Variants in ADARB2 observed in about 807,000 individuals in gnomAD.
ADARB2 encodes adenosine deaminase RNA specific B2 (inactive).
ADARB2 carries 25 observed loss-of-function variants against 62.2 expected under a neutral mutation model. The observed-to-expected ratio is 0.40, with a 90% confidence interval of 0.29 to 0.56. The LOEUF is 0.56. Ranked by LOEUF, ADARB2 falls within the 20% of genes least tolerant of loss-of-function variation. The pLI is 0.43. For synonymous variants in ADARB2, 572 were observed against 500.8 expected, an observed-to-expected ratio of 1.14 and a Z score of -1.90; for missense variants, 1,071 against 1,077.4, an observed-to-expected ratio of 0.99 and a Z score of 0.08.
intron 7 of ADARB2, among the ~76,000 whole-genome samples, chr10:1,214,527 C>T (rs180835688): frequency 2.1e-5 from 3 of 141,098 alleles, no homozygotes; most frequent in African/African-American, 8.0e-5. Context: ...CCCAGCGTCG[C>T]GTGGGTTTGC....
At chr10:1,385,031 G>C (rs1400361983) in intron 1 of ADARB2, among the ~76,000 whole-genome samples, 1 of 152,226 alleles carries the variant, frequency 6.6e-6, no homozygotes, top group African/African-American at 2.4e-5. Flanking sequence ...TCTAGTCCTA[G>C]ATTAAGAACT....
intron 1 of ADARB2, among the ~76,000 whole-genome samples, chr10:1,575,704 G>C (rs527713239): frequency 3.9e-5 from 6 of 152,180 alleles, no homozygotes; most frequent in Non-Finnish European, 7.4e-5. Flanking sequence ...GTTCAGCTGG[G>C]GGACTCTGTG....
At chr10:1,318,769 A>T (rs1831766099) in intron 3 of ADARB2, among the ~76,000 whole-genome samples, 1 of 152,286 alleles carries the variant, frequency 6.6e-6, no homozygotes, top group East Asian at 1.9e-4. Flanking sequence ...ATCTCTCGTT[A>T]CTGTGTTGGC....
At chr10:1,374,606 TGCCCTCCCTCTGCCC>T (rs1832405529) in intron 2 of ADARB2, among the ~76,000 whole-genome samples, 1 of 152,172 alleles carries the variant, frequency 6.6e-6, no homozygotes, top group Non-Finnish European at 1.5e-5. Flanking sequence ...CGGGTGGGTC[TGCCCTCCCTCTGCCC>T]GCCGTATGCA....
At chr10:1,576,213 G>T (rs1410995581) in intron 1 of ADARB2, among the ~76,000 whole-genome samples, 1 of 150,192 alleles carries the variant, frequency 6.7e-6, no homozygotes, top group Non-Finnish European at 1.5e-5. Flanking sequence ...GGAGCTCAGG[G>T]TCACAGGACA....
At chr10:1,361,847 A>G (rs745643397) in intron 3 of ADARB2, among the ~76,000 whole-genome samples, 4 of 152,338 alleles carry the variant, frequency 2.6e-5, no homozygotes, top group Non-Finnish European at 5.9e-5. Flanking sequence ...ATTATTGCAT[A>G]CTTACGACGA....
chr10:1,600,912 C>T (rs1833404296), intron 1 of ADARB2, among the ~76,000 whole-genome samples: 1 of 152,122 alleles, frequency 6.6e-6, no homozygotes, highest in Non-Finnish European at 1.5e-5. Flanking sequence ...GAGGAAGCAG[C>T]CAGCACGCAG....
At chr10:1,251,884 A>G (rs879496722) in intron 4 of ADARB2, among the ~76,000 whole-genome samples, 2 of 152,138 alleles carry the variant, frequency 1.3e-5, no homozygotes, top group African/African-American at 2.4e-5. Context: ...TGTAGCAACA[A>G]GGCACCATCC....
intron 1 of ADARB2, among the ~76,000 whole-genome samples, chr10:1,446,107 C>T (rs953515857): frequency 6.6e-6 from 1 of 152,160 alleles, no homozygotes. Flanking sequence ...TAATGCTTTG[C>T]GTTGTCATGG....
At chr10:1,565,367 C>T (rs947339640) in intron 1 of ADARB2, among the ~76,000 whole-genome samples, 1 of 152,174 alleles carries the variant, frequency 6.6e-6, no homozygotes, top group East Asian at 1.9e-4. Context: ...ACTATAAATA[C>T]ATGGGTATGC....
At chr10:1,546,675 C>T (rs7080610) in intron 1 of ADARB2, among the ~76,000 whole-genome samples, 61,117 of 152,150 alleles carry the variant, frequency 0.4, 12,569 homozygotes, top group African/African-American at 0.45. Context: ...GCAGAAAGGC[C>T]ACGTCCCGGC....
intron 1 of ADARB2, among the ~76,000 whole-genome samples, chr10:1,390,890 C>T (rs1832564111): frequency 6.6e-6 from 1 of 152,212 alleles, no homozygotes; most frequent in African/African-American, 2.4e-5. Flanking sequence ...ATAATGTATA[C>T]AGTGGTCCAT....
chr10:1,713,020 G>A (rs1834970676), intron 1 of ADARB2, among the ~76,000 whole-genome samples: 1 of 152,166 alleles, frequency 6.6e-6, no homozygotes, highest in Admixed American at 6.5e-5. Flanking sequence ...CTGTGAAATA[G>A]TCTATCAAAT....
chr10:1,262,859 T>C (rs1019316294), intron 4 of ADARB2, among the ~76,000 whole-genome samples: 4 of 152,022 alleles, frequency 2.6e-5, no homozygotes, highest in African/African-American at 7.2e-5. Flanking sequence ...CTATTCACAA[T>C]AGCAAAGACT....
intron 1 of ADARB2, among the ~76,000 whole-genome samples, chr10:1,393,906 G>A (rs987333892): frequency 6.6e-6 from 1 of 152,150 alleles, no homozygotes; most frequent in African/African-American, 2.4e-5. Flanking sequence ...CTTTCCAAAG[G>A]ATTAGCCAAG....
chr10:1,735,920 C>A (rs1835294413), intron 1 of ADARB2, among the ~76,000 whole-genome samples: 1 of 152,170 alleles, frequency 6.6e-6, no homozygotes. Flanking sequence ...ACACAGGAAA[C>A]GGTCTGGTAG....
chr10:1,204,523 G>A (rs1837025198), intron 7 of ADARB2, among the ~76,000 whole-genome samples: 1 of 152,252 alleles, frequency 6.6e-6, no homozygotes, highest in Non-Finnish European at 1.5e-5. Flanking sequence ...CTCTGAAGCG[G>A]GCCTGGCTTG....
intron 1 of ADARB2, among the ~76,000 whole-genome samples, chr10:1,513,623 C>A (rs1458841633): frequency 1.3e-5 from 2 of 152,202 alleles, no homozygotes; most frequent in Non-Finnish European, 2.9e-5. Context: ...GGTTCCAGGG[C>A]AGCCCTGAGG....
intron 3 of ADARB2, among the ~76,000 whole-genome samples, chr10:1,277,871 C>A (rs1368706475): frequency 6.6e-6 from 1 of 152,180 alleles, no homozygotes; most frequent in Non-Finnish European, 1.5e-5. Context: ...TACTGGCAAA[C>A]CGAATCCACC....
Sources: gnomAD v4.1 joint callset for allele counts (sites outside exome capture counted in the v4.1 genomes callset) on GRCh38, gnomAD v4.1.1 for gene constraint, MANE v1.5 for transcripts, NCBI Gene and HGNC (gene_info 2026-07-23, HGNC 2026-07-21) for gene names.